GRAP2: variants seen among roughly 807,000 people sequenced by gnomAD.
GRAP2 encodes the protein GRB2-related adapter protein 2.
Under a neutral mutation model 43.5 loss-of-function variants are expected in GRAP2, and 31 were observed. The ratio of observed to expected loss-of-function variants is 0.71; its 90% confidence interval spans 0.54 to 0.96. GRAP2 has a LOEUF of 0.96. Among genes scored for constraint, GRAP2 ranks in the 40% least tolerant of loss-of-function variants. The pLI is 0.00. For synonymous variants in GRAP2, 156 were observed against 164.8 expected (o/e 0.95, Z 0.41); for missense variants, 371 against 424.4 (o/e 0.87, Z 1.11).
At chr22:39,956,991 C>T (rs1225862164) in intron 3 of GRAP2, among the ~76,000 whole-genome samples, 3 of 152,236 alleles carry the variant, frequency 2.0e-5, no homozygotes, top group East Asian at 1.9e-4. Context: ...GTAAAGCATG[C>T]TCACCCCAAT....
At chr22:39,947,365 C>T (rs576508774) in intron 2 of GRAP2, 181 bp downstream of exon 2, 28 of 593,604 alleles carry the variant, frequency 4.7e-5, no homozygotes, top group East Asian at 4.3e-4. Flanking sequence ...GAAATACAGT[C>T]GGCATAAGCC....
Position 39,944,589 on chromosome 22 carries a change from A to G in GRAP2, c.-14-2504A>G, listed in dbSNP as rs375380979. Reference sequence around the variant, plus strand: ...ATTACAAGCTGGGGAGCTCTGTGACATGGCTGTGTCGTTGGCTTTGCCATA... The same window carrying G: ...ATTACAAGCTGGGGAGCTCTGTGACGTGGCTGTGTCGTTGGCTTTGCCATA... On this transcript the variant is annotated intron_variant, in intron 1 of 7. Transcript: ENST00000344138. Among the ~76,000 whole-genome samples, 20 of 152,320 alleles carry G rather than the reference A, an allele frequency of 1.3e-4. No individual in the cohort carries two copies. In the East Asian group the frequency reaches 3.5e-3, roughly 26 times the overall value.
At chr22:39,948,309 AGGAAAACCT>A (rs2066945867) in intron 2 of GRAP2, 1 of 152,160 alleles carries the variant, frequency 6.6e-6, no homozygotes, top group African/African-American at 2.4e-5. Context: ...CTCCTGACCC[AGGAAAACCT>A]GTCTGTCACT....
chr22:39,920,398 C>T (rs2066639571), intron 1 of GRAP2, among the ~76,000 whole-genome samples: 1 of 152,178 alleles, frequency 6.6e-6, no homozygotes, highest in South Asian at 2.1e-4. Context: ...ACAGACATCA[C>T]CTCAATCAAC....
chr22:39,923,491 C>T (rs1018816441), intron 1 of GRAP2, among the ~76,000 whole-genome samples: 18 of 152,134 alleles, frequency 1.2e-4, no homozygotes, highest in African/African-American at 4.3e-4. Flanking sequence ...TAGTATATAT[C>T]TACGGTTCAA....
At chr22:39,957,926 ACT>A (rs1431513205) in intron 3 of GRAP2, among the ~76,000 whole-genome samples, 2 of 151,720 alleles carry the variant, frequency 1.3e-5, no homozygotes, top group African/African-American at 4.8e-5. Flanking sequence ...GCAGAGAGAG[ACT>A]CTGTTTCAAA....
chr22:39,952,495 GT>G (rs1338163242), intron 2 of GRAP2, among the ~76,000 whole-genome samples: 1 of 152,144 alleles, frequency 6.6e-6, no homozygotes, highest in Non-Finnish European at 1.5e-5. Context: ...GTGCTCTTGT[GT>G]TTTTACGTGG....
At chr22:39,967,909 T>G (rs893621818) in intron 5 of GRAP2, 133 bp from the exon 6 acceptor site, 26 of 1,160,856 alleles carry the variant, frequency 2.2e-5, no homozygotes, top group Non-Finnish European at 2.9e-5. Flanking sequence ...AATTATCTTT[T>G]AGCTGCCCCC....
chr22:39,901,317 T>G lies in GRAP2; in HGVS notation c.-28T>G, dbSNP rs774143393. The G allele has an allele frequency of 1.6e-6, 2 of 1,235,422 alleles. No homozygotes were observed. Among genetic ancestry groups the G allele is most frequent in the South Asian group, 2.5e-5 (2 of 79,870 alleles). The allele number at this position is 1,235,422 out of a possible 1,614,324, so 76.5% of individuals were successfully genotyped here. A position where few individuals can be genotyped will look rare whatever the true frequency, so the allele number is the denominator to read the frequency against. Reference sequence around the variant, plus strand: ...AAAGCCAAGACATAAACTCAACCCCTTCTCTTCCAAAAGGTATGTCATTAT... The same window carrying G: ...AAAGCCAAGACATAAACTCAACCCCGTCTCTTCCAAAAGGTATGTCATTAT... On this transcript the variant is annotated 5_prime_UTR_variant, in exon 1 of 8. Coordinates refer to ENST00000344138, the MANE Select transcript of GRAP2 (RefSeq NM_004810.4).
chr22:39,916,072 C>T (rs1244136503), intron 1 of GRAP2, among the ~76,000 whole-genome samples: 1 of 152,196 alleles, frequency 6.6e-6, no homozygotes, highest in South Asian at 2.1e-4. Flanking sequence ...GGGCTAACCC[C>T]CAATCCACCC....
chr22:39,945,427 G>A (rs894026269), intron 1 of GRAP2, among the ~76,000 whole-genome samples: 3 of 152,138 alleles, frequency 2.0e-5, no homozygotes, highest in Non-Finnish European at 4.4e-5. Flanking sequence ...ATCTCCTGGC[G>A]TTTCACCCTC....
At chr22:39,933,611 C>T (rs1021944678) in intron 1 of GRAP2, among the ~76,000 whole-genome samples, 5 of 151,914 alleles carry the variant, frequency 3.3e-5, no homozygotes, top group African/African-American at 1.2e-4. Context: ...GAGGCCAAGG[C>T]AGGTGGATCA....
chr22:39,955,240 C>T (rs1309846233), intron 2 of GRAP2, among the ~76,000 whole-genome samples: 2 of 152,056 alleles, frequency 1.3e-5, no homozygotes, highest in East Asian at 3.9e-4. Context: ...TGCCTGTAAT[C>T]CCAGCTACTC....
intron 1 of GRAP2, among the ~76,000 whole-genome samples, chr22:39,921,353 A>C (rs1016003805): frequency 4.6e-5 from 7 of 152,222 alleles, no homozygotes; most frequent in Non-Finnish European, 7.3e-5. Context: ...CATTATGAAA[A>C]TTAGATTGAT....
intron 1 of GRAP2, among the ~76,000 whole-genome samples, chr22:39,940,365 C>A (rs746096492): frequency 6.8e-6 from 1 of 146,456 alleles, no homozygotes; most frequent in Non-Finnish European, 1.5e-5. Flanking sequence ...GAGGCCCAGC[C>A]TGTTTTGTTT....
upstream of GRAP2, among the ~76,000 whole-genome samples, chr22:39,900,080 G>C (rs2066484444): frequency 6.6e-6 from 1 of 152,132 alleles, no homozygotes; most frequent in Non-Finnish European, 1.5e-5. Flanking sequence ...ACACTTTGCT[G>C]ATTCTTCTTT....
At chr22:39,933,493 A>G (rs2066776397) in intron 1 of GRAP2, among the ~76,000 whole-genome samples, 1 of 152,220 alleles carries the variant, frequency 6.6e-6, no homozygotes, top group Non-Finnish European at 1.5e-5. Flanking sequence ...CTGGGAGGTC[A>G]TGTGACAAAC....
intron 2 of GRAP2, among the ~76,000 whole-genome samples, chr22:39,953,736 A>C (rs2067015457): frequency 6.6e-6 from 1 of 152,166 alleles, no homozygotes; most frequent in Non-Finnish European, 1.5e-5. Context: ...CAGCCTCCTG[A>C]GTAGCTGGGA....
At chr22:39,918,785 A>G (rs1301003985) in intron 1 of GRAP2, among the ~76,000 whole-genome samples, 1 of 152,236 alleles carries the variant, frequency 6.6e-6, no homozygotes, top group South Asian at 2.1e-4. Context: ...GAAGATAACC[A>G]AAAACACCAC....
Sources: allele counts gnomAD v4.1 joint callset (sites outside exome capture counted in the v4.1 genomes callset), GRCh38; gene constraint gnomAD v4.1.1; transcripts MANE v1.5; gene names NCBI Gene and HGNC (gene_info 2026-07-23, HGNC 2026-07-21).